The following CEP250 variants were observed in gnomAD, a reference collection of about 807,000 sequenced individuals.
CEP250 encodes centrosomal protein 250, also known as centrosome-associated protein CEP250.
Under a neutral mutation model 315.7 loss-of-function variants are expected in CEP250, and 242 were observed. The observed-to-expected ratio is 0.77, with a 90% CI of 0.69 to 0.85. The LOEUF (loss-of-function observed/expected upper bound fraction) is 0.85. CEP250 is among the 40% of genes least tolerant of loss of function. CEP250 has a pLI of 0.00. For synonymous variants in CEP250, 1,088 were observed against 1,175.0 expected (o/e 0.93, Z 1.51); for missense variants, 2,515 against 2,886.4 (o/e 0.87, Z 2.95).
chr20:35,467,984 C>T (rs897930813), intron 9 of CEP250, among the ~76,000 whole-genome samples: 3 of 126,650 alleles, frequency 2.4e-5, no homozygotes. Flanking sequence ...CTCATTCTAT[C>T]GCCCAGGCTG....
intron 9 of CEP250, among the ~76,000 whole-genome samples, chr20:35,467,775 A>G (rs1383188440): frequency 2.6e-5 from 4 of 151,916 alleles, no homozygotes; most frequent in African/African-American, 9.7e-5. Context: ...CTGTTGATTT[A>G]TGGAGCTAGC....
chr20:35,502,234 T>G (rs2064026822), intron 29 of CEP250, among the ~76,000 whole-genome samples, 156 bp from the exon 30 acceptor site: 1 of 151,888 alleles, frequency 6.6e-6, no homozygotes, highest in Non-Finnish European at 1.5e-5. Flanking sequence ...AGGGATGCCC[T>G]TTTACAGTAT....
chr20:35,467,179 G>GGGGGGGGGGGGCGCCCCC, intron 8 of CEP250, 107 bp downstream of exon 8: 1 of 534,902 alleles, frequency 1.9e-6, no homozygotes, highest in Non-Finnish European at 3.5e-6. Flanking sequence ...GGTGGGTGGG[G>GGGGGGGGGGGGCGCCCCC]GAGTTGGTAG....
chr20:35,476,655 G>T, intron 16 of CEP250, 60 bp downstream of exon 16: 1 of 1,446,236 alleles, frequency 6.9e-7, no homozygotes, highest in Non-Finnish European at 9.6e-7. Context: ...GAGCAAGACG[G>T]ATCAGCTCCC....
chr20:35,456,369 G>T (rs2062625619), intron 1 of CEP250, among the ~76,000 whole-genome samples: 1 of 152,218 alleles, frequency 6.6e-6, no homozygotes, highest in Non-Finnish European at 1.5e-5. Context: ...GACTTGACTA[G>T]ATTGCCTTTG....
In CEP250 at chr20:35,503,331, G is replaced by A; in HGVS notation, c.4962G>A (p.Glu1654=). 6.2e-7 allele frequency: 1 copy of A among 1,614,182 alleles called. No homozygotes were observed. The highest frequency in any genetic ancestry group is 8.5e-7 in the Non-Finnish European group (1 of 1,180,024). Residue 1654 remains glutamate (E), a synonymous_variant, in exon 30 of 35, where the codon GAG becomes GAA. Transcript: ENST00000397527. The surrounding 1 kb of genome is among the most constrained non-coding windows in gnomAD (Gnocchi z 4.2). ...AAGAGCATCTGACTCAGGATCTCGAGAGGAGAGACCAGGAGCTGATGCTGC... is the reference window on the plus strand; with the variant it reads ...AAGAGCATCTGACTCAGGATCTCGAAAGGAGAGACCAGGAGCTGATGCTGC... ...RQKEHLTQDL[E]RRDQELMLQK...
Position 35,491,271 on chromosome 20 carries a change from G to A in CEP250, c.2814G>A (p.Gln938=). ...VSLLETLLQT[Q]KELADASQQL... ...TCCTGGAGACACTGCTGCAGACGCAGAAGGAGCTAGCAGATGCCAGCCAAC... is the reference window on the plus strand; with the variant it reads ...TCCTGGAGACACTGCTGCAGACGCAAAAGGAGCTAGCAGATGCCAGCCAAC... Residue 938 remains glutamine (Q), a synonymous_variant, in exon 22 of 35, where the codon CAG becomes CAA. Coordinates refer to ENST00000397527, the MANE Select transcript of CEP250 (RefSeq NM_007186.6). 1 of 1,607,802 alleles carries A rather than the reference G, an allele frequency of 6.2e-7. No individual in the cohort carries two copies. Among genetic ancestry groups the A allele is most frequent in the Non-Finnish European group, 8.5e-7 (1 of 1,176,872 alleles).
chr20:35,475,767 C>T (rs759994392), intron 15 of CEP250, 121 bp downstream of exon 15: 1 of 1,082,340 alleles, frequency 9.2e-7, no homozygotes. Context: ...CATTAGTCTG[C>T]TTCTGGGTTC....
chr20:35,490,210 G>A (rs1292751114), intron 20 of CEP250, among the ~76,000 whole-genome samples: 4 of 152,138 alleles, frequency 2.6e-5, no homozygotes, highest in Non-Finnish European at 5.9e-5. Context: ...CTGCTAGGGA[G>A]GCTGAGACAG....
In CEP250 at chr20:35,512,012, AGCAC is replaced by A. The variant is rs1208509376; in HGVS notation, c.*387_*390del. 8.2e-5 allele frequency: 85 copies of A among 1,039,606 alleles called. No homozygotes were observed. Among genetic ancestry groups the A allele is most frequent in the Non-Finnish European group, 9.7e-5 (84 of 864,878 alleles). The allele number at this position is 1,039,606 out of a possible 1,614,324, so 64.4% of individuals were successfully genotyped here. On this transcript the variant is annotated 3_prime_UTR_variant, in exon 35 of 35. Transcript: ENST00000397527. The stretch of plus-strand genomic sequence containing the variant: ...GTCTCCACTTGTGCAGCTGGGTGGC[AGCAC>A]CACATCAAGGGAGTTTATCTGGGAA...
In CEP250 at chr20:35,466,163, G is replaced by A; in HGVS notation, c.451G>A (p.Glu151Lys). 6.2e-7 allele frequency: 1 copy of A among 1,609,310 alleles called. No homozygotes were observed. Among genetic ancestry groups the A allele is most frequent in the Non-Finnish European group, 8.5e-7 (1 of 1,177,256 alleles). The change falls in exon 7 of 35, where the codon GAG (glutamate) becomes AAG (lysine). Residue 151 changes from glutamate to lysine, a missense_variant. Glu to Lys is a moderately conservative substitution (Grantham distance 56). Transcript: ENST00000397527. ...LTVDWSRARD[E>K]LMRKESQWQM... The stretch of plus-strand genomic sequence containing the variant: ...AGTGGACTGGAGCCGGGCCCGGGAT[G>A]AGCTAATGAGGAAGGAGAGCCAGTG...
intron 7 of CEP250, among the ~76,000 whole-genome samples, chr20:35,466,579 A>G (rs1347794627): frequency 2.0e-5 from 3 of 152,144 alleles, no homozygotes; most frequent in South Asian, 2.1e-4. Context: ...AAGAGCTGTT[A>G]TGGGCCCTGG....
In CEP250 at chr20:35,498,686, T is replaced by C. The variant is rs559351096; in HGVS notation, c.3747T>C (p.His1249=). 3.7e-6 allele frequency: 6 copies of C among 1,602,076 alleles called. No individual in the cohort carries two copies. The South Asian group carries it at 6.7e-5, about 18-fold the overall frequency. Residue 1249 remains histidine (H), a synonymous_variant, in exon 27 of 35, where the codon CAT becomes CAC. Transcript: ENST00000397527. ...EAVASALHKL[H]QDLWKTQQTR... is the part of the protein sequence containing the mutation. ...TAGCATCTGCCCTCCACAAGCTTCA[T>C]CAAGACCTGTGGAAGACTCAACAGA...
At chr20:35,498,215 C>T in intron 26 of CEP250, 148 bp downstream of exon 26, 1 of 709,582 alleles carries the variant, frequency 1.4e-6, no homozygotes, top group Non-Finnish European at 2.2e-6. Flanking sequence ...TAAGCCCCAG[C>T]TCTACCATTT....
At chr20:35,484,333 T>G (rs1321049468) in intron 20 of CEP250, among the ~76,000 whole-genome samples, 2 of 152,190 alleles carry the variant, frequency 1.3e-5, no homozygotes, top group Admixed American at 1.3e-4. Flanking sequence ...AGGACCACCT[T>G]AAAGTAAATT....
At position 35,502,375 on chromosome 20, in the gene CEP250, C is replaced by T; in HGVS notation, c.4021-15C>T. On this transcript the variant is annotated splice_polypyrimidine_tract_variant and intron_variant, in intron 29 of 34. Transcript: ENST00000397527. ...GGAAGTGTAGTCTAAAGTGGCTTTT[C>T]ATCTTGTCTTCTAGGGTGAGCGAGA... is the stretch of plus-strand genomic sequence containing the variant. The T allele has an allele frequency of 6.3e-7, 1 of 1,594,508 alleles. No homozygotes were observed. Among genetic ancestry groups the T allele is most frequent in the Non-Finnish European group, 8.5e-7 (1 of 1,169,942 alleles).
chr20:35,500,606 G>C (rs2063975820), intron 28 of CEP250, among the ~76,000 whole-genome samples: 1 of 152,174 alleles, frequency 6.6e-6, no homozygotes, highest in Non-Finnish European at 1.5e-5. Flanking sequence ...GGCAGCGCTG[G>C]GGCTGGCAGC....
intron 20 of CEP250, among the ~76,000 whole-genome samples, chr20:35,484,826 C>CAAAG (rs946799119): frequency 6.6e-6 from 1 of 152,042 alleles, no homozygotes; most frequent in African/African-American, 2.4e-5. Context: ...AATTGTAGTG[C>CAAAG]AAAGCAGCCA....
intron 20 of CEP250, 144 bp from the exon 21 acceptor site, chr20:35,490,493 C>T: frequency 1.8e-6 from 1 of 548,976 alleles, no homozygotes; most frequent in East Asian, 3.0e-5. Flanking sequence ...ATTAGCCTTG[C>T]TTTACAGATG....
Sources: gnomAD v4.1 joint callset for allele counts (sites outside exome capture counted in the v4.1 genomes callset) on GRCh38, gnomAD v4.1.1 for gene constraint, Gnocchi (gnomAD v3.1) non-coding constraint, MANE v1.5 for transcripts, NCBI Gene and HGNC (gene_info 2026-07-23, HGNC 2026-07-21) for gene names.